The following MTA3 variants were observed in gnomAD, a reference collection of about 807,000 sequenced individuals.
MTA3 encodes the protein metastasis-associated protein MTA3.
MTA3 carries 34 observed loss-of-function variants against 83.5 expected under a neutral mutation model. The ratio of observed to expected loss-of-function variants is 0.41; its 90% CI spans 0.31 to 0.54. The LOEUF is 0.54. MTA3 is among the 20% of genes least tolerant of loss of function. The pLI, the probability that MTA3 is intolerant of heterozygous loss-of-function variation, is 0.33. For synonymous variants in MTA3, 303 were observed against 252.7 expected (o/e 1.20, Z -1.89); for missense variants, 761 against 726.4 (o/e 1.05, Z -0.55).
rs1410706318 is a variant in MTA3, at chr2:42,707,899, T to G, written c.1151-4T>G. 14 of 1,537,928 alleles carry G rather than the reference T, an allele frequency of 9.1e-6. No individual in the cohort carries two copies. The highest frequency in any genetic ancestry group is 1.2e-5 in the Non-Finnish European group (14 of 1,145,914). On this transcript the variant is annotated splice_polypyrimidine_tract_variant and splice_region_variant and intron_variant, in intron 12 of 16. Coordinates refer to ENST00000405094, the MANE Select transcript of MTA3 (RefSeq NM_001330442.2). ...CGTTTTTTCTTATTTTTCTTCTGCT[T>G]TAGCTACACAGTCTCACCAGTGGTA...
At chr2:42,517,725 C>A (rs7609131) in intron 2 of MTA3, among the ~76,000 whole-genome samples, 55,908 of 149,298 alleles carry the variant, frequency 0.37, 10,526 homozygotes, top group African/African-American at 0.44. Flanking sequence ...TAAAAATACA[C>A]AAATTAGCCA....
chr2:42,539,520 T>C (rs1418317737), intron 2 of MTA3, among the ~76,000 whole-genome samples: 1 of 149,008 alleles, frequency 6.7e-6, no homozygotes, highest in Non-Finnish European at 1.5e-5. Context: ...TTATGGGACC[T>C]ACAATTCAAG....
chr2:42,707,160 C>G (rs1217183463), intron 12 of MTA3, among the ~76,000 whole-genome samples: 1 of 152,084 alleles, frequency 6.6e-6, no homozygotes, highest in African/African-American at 2.4e-5. Context: ...AGATTCCTGA[C>G]TTTATCAATG....
chr2:42,647,075 G>A (rs1688266879), intron 6 of MTA3, among the ~76,000 whole-genome samples: 2 of 149,976 alleles, frequency 1.3e-5, no homozygotes, highest in South Asian at 4.3e-4. Context: ...AGAATGGCGT[G>A]GAACCCAGGA....
chr2:42,527,944 C>T (rs1675793936), intron 2 of MTA3, among the ~76,000 whole-genome samples: 1 of 151,882 alleles, frequency 6.6e-6, no homozygotes, highest in Non-Finnish European at 1.5e-5. Context: ...TTTTTTGAGA[C>T]GGAATCTCAC....
chr2:42,577,714 C>T lies in MTA3; in HGVS notation c.97-1393C>T, dbSNP rs531744706. On this transcript the variant is annotated intron_variant, in intron 2 of 16. Transcript: ENST00000405094. ...CAGGCTGGTCTAGAACTCCTGACCT[C>T]GTGATCTGCCCACCTTGGACTCCCA... Among the ~76,000 whole-genome samples the T allele has an allele frequency of 1.6e-4, 24 of 152,194 alleles. No homozygotes were observed. The East Asian group carries it at 1.7e-3, about 11-fold the overall frequency.
At chr2:42,620,197 CA>C (rs1257753806) in intron 4 of MTA3, among the ~76,000 whole-genome samples, 2 of 150,992 alleles carry the variant, frequency 1.3e-5, no homozygotes, top group African/African-American at 4.9e-5. Flanking sequence ...TGGCTCACTG[CA>C]ACCTCTGCCA....
At chr2:42,532,868 C>A (rs912026679) in intron 2 of MTA3, 14 of 356,658 alleles carry the variant, frequency 3.9e-5, no homozygotes, top group South Asian at 3.1e-4. Context: ...TCAGTTGAAC[C>A]CAGGCACCTT....
chr2:42,504,172 C>G (rs1159892172), intron 2 of MTA3, among the ~76,000 whole-genome samples: 2 of 152,042 alleles, frequency 1.3e-5, no homozygotes, highest in Non-Finnish European at 2.9e-5. Flanking sequence ...TCAGGTGATC[C>G]ATCCGCCTTG....
intron 2 of MTA3, among the ~76,000 whole-genome samples, chr2:42,538,778 T>G (rs1676383746): frequency 1.8e-5 from 1 of 55,792 alleles, no homozygotes; most frequent in African/African-American, 7.9e-5. Flanking sequence ...TTTTTTTTTG[T>G]TTTTTTTGAG....
rs1038575770 is a variant in MTA3, at chr2:42,657,804, C to T, written c.602+1502C>T. ...AAAAAGGGCCCGGCACAGTGGCTCA[C>T]GCCGCCTGTAATCCCAGTGCTTTGG... is the stretch of plus-strand genomic sequence containing the variant. On this transcript the variant is annotated intron_variant, in intron 7 of 16. Transcript: ENST00000405094. 1.1e-4 allele frequency among the ~76,000 whole-genome samples: 16 copies of T among 149,670 alleles called. No homozygotes were observed. In the South Asian group the frequency reaches 1.3e-3, roughly 12 times the overall value.
At chr2:42,612,238 G>A (rs1449792509) in intron 4 of MTA3, among the ~76,000 whole-genome samples, 2 of 152,160 alleles carry the variant, frequency 1.3e-5, no homozygotes, top group East Asian at 3.9e-4. Flanking sequence ...TTGACTGTGC[G>A]GGATCCTGCT....
intron 2 of MTA3, among the ~76,000 whole-genome samples, chr2:42,574,602 A>C (rs1450839867): frequency 6.6e-6 from 1 of 151,130 alleles, no homozygotes; most frequent in Non-Finnish European, 1.5e-5. Context: ...ACACCCAGCT[A>C]ATTTTTTTGT....
chr2:42,520,857 C>T (rs575589871), intron 2 of MTA3, among the ~76,000 whole-genome samples: 13 of 152,228 alleles, frequency 8.5e-5, no homozygotes, highest in Admixed American at 3.3e-4. Context: ...TGAGCCACCA[C>T]GCCCAGCCTG....
intron 2 of MTA3, among the ~76,000 whole-genome samples, chr2:42,527,132 A>G (rs1216584015): frequency 1.3e-5 from 2 of 151,780 alleles, no homozygotes; most frequent in Non-Finnish European, 2.9e-5. Context: ...GAGTTTCCAG[A>G]AAACCCCTAC....
At chr2:42,660,301 T>C (rs1285868128) in intron 8 of MTA3, among the ~76,000 whole-genome samples, 1 of 152,086 alleles carries the variant, frequency 6.6e-6, no homozygotes, top group Non-Finnish European at 1.5e-5. Context: ...GTTGGCCAGG[T>C]TGGTCTCAAA....
chr2:42,549,941 T>C (rs1300920223), intron 2 of MTA3, among the ~76,000 whole-genome samples: 1 of 151,426 alleles, frequency 6.6e-6, no homozygotes, highest in African/African-American at 2.4e-5. Context: ...TTAGTAGCCT[T>C]CTTGCTGATC....
upstream of MTA3, among the ~76,000 whole-genome samples, chr2:42,566,447 G>C (rs1572993215): frequency 6.6e-6 from 1 of 151,994 alleles, no homozygotes; most frequent in South Asian, 2.1e-4. Flanking sequence ...GAGGACATTG[G>C]CCTAGGAGCT....
intron 8 of MTA3, among the ~76,000 whole-genome samples, chr2:42,674,352 T>G (rs1010450819): frequency 7.9e-5 from 12 of 152,230 alleles, no homozygotes; most frequent in African/African-American, 2.9e-4. Flanking sequence ...TTGCCAAGAT[T>G]TACTTGTCAG....
Sources: allele counts gnomAD v4.1 joint callset (sites outside exome capture counted in the v4.1 genomes callset), GRCh38; gene constraint gnomAD v4.1.1; transcripts MANE v1.5; gene names NCBI Gene and HGNC (gene_info 2026-07-23, HGNC 2026-07-21).